PDGFB: variants seen among roughly 807,000 people sequenced by gnomAD.
PDGFB encodes the protein platelet derived growth factor subunit B.
A neutral mutation model predicts 29.0 loss-of-function variants in PDGFB; 6 were observed. The ratio of observed to expected loss-of-function variants is 0.21; its 90% CI spans 0.11 to 0.41. The LOEUF is 0.41. Ranked by LOEUF, PDGFB falls within the 10% of genes least tolerant of loss-of-function variation. PDGFB has a pLI of 1.00. For synonymous variants in PDGFB, 144 were observed against 140.8 expected (o/e 1.02, Z -0.16); for missense variants, 299 against 341.8 (o/e 0.87, Z 0.99).
At chr22:39,230,317 G>A in intron 4 of PDGFB, 89 bp from the exon 5 acceptor site, 1 of 1,321,414 alleles carries the variant, frequency 7.6e-7, no homozygotes. Flanking sequence ...CCACCCCGGT[G>A]TCCCCTGCAG....
At chr22:39,239,907 C>G (rs1325296163) in intron 1 of PDGFB, among the ~76,000 whole-genome samples, 2 of 152,162 alleles carry the variant, frequency 1.3e-5, no homozygotes, top group Non-Finnish European at 2.9e-5. Context: ...CACCAAGGGA[C>G]ACACAGGCCC....
rs183693114 is a variant in PDGFB at position 39,236,687 on chromosome 22, C to T, written c.64-813G>A. 3.7e-3 allele frequency among the ~76,000 whole-genome samples: 558 copies of T among 152,314 alleles called. 10 individuals are homozygous for T. The highest frequency in any genetic ancestry group is 7.6e-4 in the Non-Finnish European group (52 of 68,028). On this transcript the variant is annotated intron_variant, in intron 1 of 6. Transcript: ENST00000331163. ...CAGCCCCGTAGGAAGGTCACAGCCA[C>T]GTCCCCCACAGTCCCAGGAGACCCA...
In PDGFB at chr22:39,231,719, A is replaced by G; in HGVS notation, c.359T>C (p.Val120Ala). 1 of 1,611,500 alleles carries G rather than the reference A, an allele frequency of 6.2e-7. No individual in the cohort carries two copies. The highest frequency in any genetic ancestry group is 8.5e-7 in the Non-Finnish European group (1 of 1,179,110). The change falls in exon 4 of 7, where the codon GTG becomes GCG. Residue 120 changes from valine to alanine, a missense_variant. Physicochemically the swap from Val to Ala is moderately conservative, Grantham distance 64 (BLOSUM62 0). Transcript: ENST00000331163. The surrounding 1 kb of genome is among the most constrained non-coding windows in gnomAD (Gnocchi z 4.3). Reference sequence around the variant, plus strand: ...CTGCACCTCCACACAGGGCGGCCACACCAGGAAGTTGGCGTTGGTGCGGTC... The same window carrying G: ...CTGCACCTCCACACAGGGCGGCCACGCCAGGAAGTTGGCGTTGGTGCGGTC... ...LIDRTNANFL[V>A]WPPCVEVQRC...
At chr22:39,228,893 A>AAAAAAAAAAAAAATATATATATATATAT (rs1184799325) in intron 5 of PDGFB, among the ~76,000 whole-genome samples, 1 of 132,520 alleles carries the variant, frequency 7.5e-6, no homozygotes, top group Non-Finnish European at 1.7e-5. Context: ...CCTCAAAAAA[A>AAAAAAAAAAAAAATATATATATATATAT]ATATATATAT....
chr22:39,236,889 G>A (rs1932456664), intron 1 of PDGFB, among the ~76,000 whole-genome samples: 1 of 152,152 alleles, frequency 6.6e-6, no homozygotes, highest in South Asian at 2.1e-4. Context: ...ACAGGCACTC[G>A]GGCTGCACGG....
chr22:39,227,019 C>T (rs143763142), intron 5 of PDGFB, among the ~76,000 whole-genome samples: 2,227 of 152,352 alleles, frequency 0.015, 54 homozygotes, highest in African/African-American at 0.051. Context: ...AGTGCAGTGG[C>T]GCGATCTCAG....
Position 39,235,871 on chromosome 22 carries a change from C to T in PDGFB, c.67G>A (p.Asp23Asn), listed in dbSNP as rs745440692. 9 of 1,612,146 alleles carry T rather than the reference C, an allele frequency of 5.6e-6. No individual in the cohort carries two copies. The South Asian group carries it at 7.7e-5, about 14-fold the overall frequency. Residue 23 changes from aspartate to asparagine, a missense_variant, in exon 2 of 7, where the codon GAC (aspartate) becomes AAC (asparagine). Coordinates refer to ENST00000331163, the MANE Select transcript of PDGFB (RefSeq NM_002608.4). ...TCATAAAGCTCCTCGGGAATGGGGT[C>T]CCCCTGCCGGGCAGACACCAAAAGG... ...CYLRLVSAEG[D>N]PIPEELYEML...
intron 5 of PDGFB, among the ~76,000 whole-genome samples, chr22:39,229,608 C>T (rs1267868023): frequency 1.3e-5 from 2 of 152,218 alleles, no homozygotes; most frequent in Non-Finnish European, 2.9e-5. Context: ...TCCACCATCC[C>T]ATCCCCACAT....
intron 2 of PDGFB, among the ~76,000 whole-genome samples, chr22:39,233,814 G>A (rs949342724): frequency 1.3e-5 from 2 of 152,324 alleles, no homozygotes; most frequent in African/African-American, 2.4e-5. Context: ...CTTTGCTACT[G>A]TAAGTGAACC....
chr22:39,239,456 C>T (rs1932518144), intron 1 of PDGFB, among the ~76,000 whole-genome samples: 1 of 152,170 alleles, frequency 6.6e-6, no homozygotes, highest in African/African-American at 2.4e-5. Flanking sequence ...GGATGCAATG[C>T]TCTGGGGATG....
intron 4 of PDGFB, among the ~76,000 whole-genome samples, chr22:39,230,557 C>CGGCAGAG (rs1191422626): frequency 6.6e-6 from 1 of 152,160 alleles, no homozygotes; most frequent in Non-Finnish European, 1.5e-5. Flanking sequence ...GTCAGGGCTG[C>CGGCAGAG]GGCAGAGGCG....
chr22:39,231,739 G>A lies in PDGFB; in HGVS notation c.339C>T (p.Arg113=). 6.2e-7 allele frequency: 1 copy of A among 1,612,874 alleles called. No homozygotes were observed. Among genetic ancestry groups the A allele is most frequent in the Non-Finnish European group, 8.5e-7 (1 of 1,179,630 alleles). Residue 113 remains arginine, a synonymous_variant, in exon 4 of 7, where the codon CGC becomes CGT. Coordinates refer to ENST00000331163, the MANE Select transcript of PDGFB (RefSeq NM_002608.4). The surrounding 1 kb of genome is among the most constrained non-coding windows in gnomAD (Gnocchi z 4.3). Reference sequence around the variant, plus strand: ...GCCACACCAGGAAGTTGGCGTTGGTGCGGTCTATGAGGCGCCGGGAGATCT... The same window carrying A: ...GCCACACCAGGAAGTTGGCGTTGGTACGGTCTATGAGGCGCCGGGAGATCT... ...VFEISRRLID[R]TNANFLVWPP... is the part of the protein sequence containing the mutation.
Position 39,228,464 on chromosome 22 carries a change from CT to C in PDGFB, c.601+1619del, listed in dbSNP as rs142055301. 8.9e-3 allele frequency among the ~76,000 whole-genome samples: 1,359 copies of C among 152,232 alleles called. 23 individuals are homozygous for C. The highest frequency in any genetic ancestry group is 0.031 in the African/African-American group (1,298 of 41,534). ...ATTAGCTGGACGTGGTGGCACATGC[CT>C]GTAATCCCAGCTACTCAGGAGGCTG... On this transcript the variant is annotated intron_variant, in intron 5 of 6. Coordinates refer to ENST00000331163, the MANE Select transcript of PDGFB (RefSeq NM_002608.4).
chr22:39,232,784 G>A (rs1339460578), intron 3 of PDGFB, among the ~76,000 whole-genome samples: 1 of 151,846 alleles, frequency 6.6e-6, no homozygotes, highest in Non-Finnish European at 1.5e-5. Flanking sequence ...CACCATGCCC[G>A]GCCCAGGCCA....
intron 1 of PDGFB, chr22:39,240,895 T>G: frequency 5.3e-6 from 3 of 570,014 alleles, no homozygotes; most frequent in South Asian, 5.1e-5. Context: ...GCTCAGTCAG[T>G]CTCTCTCTCT....
rs954259821 is a variant in PDGFB, at chr22:39,242,249, C to G, written c.63+1652G>C. Reference sequence around the variant, plus strand: ...GCGTGCCCGTCGCTCTGCGCGCCCGCCCGCCGGAGCGCAGCATCGCCTCCG... The same window carrying G: ...GCGTGCCCGTCGCTCTGCGCGCCCGGCCGCCGGAGCGCAGCATCGCCTCCG... On this transcript the variant is annotated intron_variant, in intron 1 of 6. Transcript: ENST00000331163. The surrounding 1 kb of genome is among the most constrained non-coding windows in gnomAD (Gnocchi z 5.7). 4.7e-6 allele frequency: 1 copy of G among 212,036 alleles called. No homozygotes were observed. Among genetic ancestry groups the G allele is most frequent in the African/African-American group, 2.3e-5 (1 of 44,260 alleles). 13.1% of individuals were successfully genotyped at this position (212,036 alleles called of 1,614,324 possible).
At chr22:39,238,235 T>A (rs914169532) in intron 1 of PDGFB, among the ~76,000 whole-genome samples, 2 of 152,108 alleles carry the variant, frequency 1.3e-5, no homozygotes, top group Non-Finnish European at 2.9e-5. Flanking sequence ...TAAATACTGG[T>A]CAAATGCATG....
In PDGFB at chr22:39,231,750, G is replaced by C. The variant is rs532811473; in HGVS notation, c.328C>G (p.Leu110Val). 8.1e-6 allele frequency: 13 copies of C among 1,613,236 alleles called. No individual in the cohort carries two copies. Among genetic ancestry groups the C allele is most frequent in the Non-Finnish European group, 1.1e-5 (13 of 1,179,740 alleles). The stretch of plus-strand genomic sequence containing the variant: ...AAGTTGGCGTTGGTGCGGTCTATGA[G>C]GCGCCGGGAGATCTCGAACACCTCG... ...RTEVFEISRR[L>V]IDRTNANFLV... The change falls in exon 4 of 7, where the codon CTC becomes GTC. Residue 110 changes from leucine to valine, a missense_variant. Physicochemically the swap from Leu to Val is conservative, Grantham distance 32 (BLOSUM62 1). Coordinates refer to ENST00000331163, the MANE Select transcript of PDGFB (RefSeq NM_002608.4). This position sits in a 1 kb window ranked among gnomAD's most constrained non-coding sequence, Gnocchi z 4.3.
chr22:39,225,736 G>T lies in PDGFB; in HGVS notation c.713C>A (p.Thr238Asn). Residue 238 changes from threonine (T) to asparagine (N), a missense_variant, in exon 6 of 7, where the codon ACC (threonine) becomes AAC (asparagine). Physicochemically the swap from Thr to Asn is moderately conservative, Grantham distance 65 (BLOSUM62 0). Coordinates refer to ENST00000331163, the MANE Select transcript of PDGFB (RefSeq NM_002608.4). The part of the protein sequence containing the change: ...HTHDKTALKE[T>N]LGA ...CTGCCGATGCCCCTAGGCTCCAAGG[G>T]TCTCCTTCAGTGCCGTCTTGTCATG... 1.2e-6 allele frequency: 2 copies of T among 1,614,026 alleles called. No individual in the cohort carries two copies. Among genetic ancestry groups the T allele is most frequent in the South Asian group, 1.1e-5 (1 of 91,076 alleles).
Sources: gnomAD v4.1 joint callset for allele counts (sites outside exome capture counted in the v4.1 genomes callset) on GRCh38, gnomAD v4.1.1 for gene constraint, Gnocchi (gnomAD v3.1) non-coding constraint, MANE v1.5 for transcripts, NCBI Gene and HGNC (gene_info 2026-07-23, HGNC 2026-07-21) for gene names.